Variants in SLC22A13 observed in about 807,000 individuals in gnomAD.
SLC22A13 encodes organic anion transporter 10.
In SLC22A13, 42 loss-of-function variants were observed where a neutral mutation model predicts 49.1. The observed-to-expected ratio is 0.85, with a 90% CI of 0.67 to 1.11. The LOEUF (loss-of-function observed/expected upper bound fraction) is 1.11. SLC22A13 is among the 50% of genes least tolerant of loss of function. SLC22A13 has a pLI of 0.00. For missense variants in SLC22A13, 694 were observed against 712.8 expected (o/e 0.97, Z 0.30); for synonymous variants, 282 against 293.1 (o/e 0.96, Z 0.39).
Position 38,275,924 on chromosome 3 carries a change from G to C in SLC22A13, c.1065G>C (p.Val355=). 1.2e-6 allele frequency: 2 copies of C among 1,614,218 alleles called. No individual in the cohort carries two copies. The highest frequency in any genetic ancestry group is 1.7e-6 in the Non-Finnish European group (2 of 1,180,034). The part of the protein sequence containing the change: ...SLGYYGLSLQ[V]GDFGLDVYLT... Reference sequence around the variant, plus strand: ...GGTACTACGGCCTGAGCCTCCAAGTGGGGGACTTCGGCCTGGACGTCTATC... The same window carrying C: ...GGTACTACGGCCTGAGCCTCCAAGTCGGGGACTTCGGCCTGGACGTCTATC... The change falls in exon 7 of 10, where the codon GTG becomes GTC. Residue 355 remains valine (V), a synonymous_variant. Transcript: ENST00000311856.
chr3:38,270,683 G>C (rs1355652017), intron 1 of SLC22A13: 2 of 164,352 alleles, frequency 1.2e-5, no homozygotes, highest in Admixed American at 6.0e-5. Context: ...TACATTTTCA[G>C]ATGTAAATTT....
chr3:38,275,460 G>T lies in SLC22A13; in HGVS notation c.897G>T (p.Arg299Ser). Residue 299 changes from arginine (R) to serine (S), a missense_variant, in exon 5 of 10, where the codon AGG becomes AGT. Arg to Ser is a moderately radical substitution (Grantham distance 110). Coordinates refer to ENST00000311856, the MANE Select transcript of SLC22A13 (RefSeq NM_004256.4). Reference sequence around the variant, plus strand: ...TCCAGAAGGCGGCCTCGGTCAATAGGCGGAAACTCTCCCCGGAGCTCATGA... The same window carrying T: ...TCCAGAAGGCGGCCTCGGTCAATAGTCGGAAACTCTCCCCGGAGCTCATGA... ...QLIQKAASVN[R>S]RKLSPELMNQ... The T allele has an allele frequency of 6.2e-7, 1 of 1,614,208 alleles. No individual in the cohort carries two copies. The highest frequency in any genetic ancestry group is 8.5e-7 in the Non-Finnish European group (1 of 1,180,040).
intron 2 of SLC22A13, 40 bp from the exon 3 acceptor site, chr3:38,274,564 C>T (rs577846083): frequency 4.1e-5 from 66 of 1,600,270 alleles, no homozygotes; most frequent in Middle Eastern, 3.4e-4. Context: ...AGATGCCTTC[C>T]GGGAGGGACC....
In SLC22A13 at chr3:38,276,053, C is replaced by T. The variant is rs1479896840; in HGVS notation, c.1194C>T (p.Val398=). 6.2e-7 allele frequency: 1 copy of T among 1,614,076 alleles called. No individual in the cohort carries two copies. The highest frequency in any genetic ancestry group is 1.3e-5 in the African/African-American group (1 of 75,062). The change falls in exon 7 of 10, where the codon GTC becomes GTT. Residue 398 remains valine (V), a synonymous_variant. Coordinates refer to ENST00000311856, the MANE Select transcript of SLC22A13 (RefSeq NM_004256.4). ...GRKWSQLGTL[V]LGGLMCIIII... is the part of the protein sequence containing the mutation. The stretch of plus-strand genomic sequence containing the variant: ...AGTGGAGCCAGTTGGGGACCTTGGT[C>T]TTGGGTGGCCTGATGTGTATCATCA...
At position 38,276,413 on chromosome 3, in the gene SLC22A13, A is replaced by G; in HGVS notation, c.1346+18A>G. 1 of 1,519,782 alleles carries G rather than the reference A, an allele frequency of 6.6e-7. No individual in the cohort carries two copies. 94.1% of individuals were successfully genotyped at this position (1,519,782 alleles called of 1,614,324 possible). ...ATCCTCCGGTAAGAGCTGCAGTGTGACTCCTGCTCCTCTGCTACTGAGATG... is the reference window on the plus strand; with the variant it reads ...ATCCTCCGGTAAGAGCTGCAGTGTGGCTCCTGCTCCTCTGCTACTGAGATG... On this transcript the variant is annotated intron_variant, in intron 8 of 9. Transcript: ENST00000311856.
Position 38,274,644 on chromosome 3 carries a change from T to C in SLC22A13, c.523T>C (p.Phe175Leu). 1 of 1,614,160 alleles carries C rather than the reference T, an allele frequency of 6.2e-7. No homozygotes were observed. The highest frequency in any genetic ancestry group is 8.5e-7 in the Non-Finnish European group (1 of 1,180,036). The change falls in exon 3 of 10, where the codon TTC becomes CTC. Residue 175 changes from phenylalanine (F) to leucine (L), a missense_variant. Physicochemically the swap from Phe to Leu is conservative, Grantham distance 22. Coordinates refer to ENST00000311856, the MANE Select transcript of SLC22A13 (RefSeq NM_004256.4). ...CACAATCCTGGCGCAGCTGCTCCTC[T>C]TCACCCTCATCGGCCTGGCCACAGC... The part of the protein sequence containing the change: ...KATILAQLLL[F>L]TLIGLATAFV...
At chr3:38,272,749 G>C (rs1354500011) in intron 1 of SLC22A13, among the ~76,000 whole-genome samples, 3 of 152,212 alleles carry the variant, frequency 2.0e-5, no homozygotes, top group African/African-American at 7.2e-5. Context: ...GAGCACAATG[G>C]TAACTCCTGG....
chr3:38,276,017 G>C lies in SLC22A13; in HGVS notation c.1158G>C (p.Arg386Ser), dbSNP rs1275985794. The change falls in exon 7 of 10, where the codon AGG becomes AGC. Residue 386 changes from arginine (R) to serine (S), a missense_variant. Coordinates refer to ENST00000311856, the MANE Select transcript of SLC22A13 (RefSeq NM_004256.4). ...GTTCCAGCATCTTCATGATGCAGAGGTTTGGCCGCAAGTGGAGCCAGTTGG... is the reference window on the plus strand; with the variant it reads ...GTTCCAGCATCTTCATGATGCAGAGCTTTGGCCGCAAGTGGAGCCAGTTGG... ...ARCSSIFMMQ[R>S]FGRKWSQLGT... 1.2e-6 allele frequency: 2 copies of C among 1,613,746 alleles called. No individual in the cohort carries two copies. The highest frequency in any genetic ancestry group is 2.2e-5 in the South Asian group (2 of 91,074).
chr3:38,276,865 C>T, intron 8 of SLC22A13, 47 bp from the exon 9 acceptor site: 1 of 1,547,038 alleles, frequency 6.5e-7, no homozygotes, highest in Non-Finnish European at 8.9e-7. Context: ...AAGCTGAGGC[C>T]CAGAGTTGGG....
intron 1 of SLC22A13, among the ~76,000 whole-genome samples, chr3:38,266,543 C>T (rs1306007619): frequency 6.6e-6 from 1 of 152,132 alleles, no homozygotes; most frequent in Non-Finnish European, 1.5e-5. Context: ...CTCCTCTTTT[C>T]CTATCTTTGT....
At chr3:38,269,141 C>G (rs1377120812) in intron 1 of SLC22A13, among the ~76,000 whole-genome samples, 2 of 152,072 alleles carry the variant, frequency 1.3e-5, no homozygotes, top group Non-Finnish European at 2.9e-5. Flanking sequence ...TGACAATAAA[C>G]AATGATTCAA....
intron 1 of SLC22A13, chr3:38,270,449 A>T (rs1313874173): frequency 4.6e-6 from 1 of 217,140 alleles, no homozygotes; most frequent in Non-Finnish European, 9.9e-6. Context: ...GCAAGAAAGG[A>T]ATCTTTGGAT....
chr3:38,270,361 AG>A lies in SLC22A13; in HGVS notation c.379-3909del, dbSNP rs1419712927. ...CAGTCCGAGGCCAGTCTGGAGTGATAGGCTTCTGTTTTTTGTTCTTGGCAAG... is the reference window on the plus strand; with the variant it reads ...CAGTCCGAGGCCAGTCTGGAGTGATAGCTTCTGTTTTTTGTTCTTGGCAAG... On this transcript the variant is annotated intron_variant, in intron 1 of 9. Transcript: ENST00000311856. The A allele has an allele frequency of 1.4e-5, 3 of 214,158 alleles. No individual in the cohort carries two copies. In the East Asian group the frequency reaches 3.3e-4, roughly 24 times the overall value. 13.3% of individuals were successfully genotyped at this position (214,158 alleles called of 1,614,324 possible). A position where few individuals can be genotyped will look rare whatever the true frequency, so the allele number is the denominator to read the frequency against.
In SLC22A13 at chr3:38,277,367, T is replaced by A; in HGVS notation, c.1563-5T>A. ...CAGCCAATGACAGCCTTCTGCTCCC[T>A]CTAGGTCCCCCAAATCAGTGCCCTC... On this transcript the variant is annotated splice_region_variant and splice_polypyrimidine_tract_variant and intron_variant, in intron 9 of 9. Transcript: ENST00000311856. The A allele has an allele frequency of 6.2e-7, 1 of 1,611,754 alleles. No homozygotes were observed. Among genetic ancestry groups the A allele is most frequent in the Non-Finnish European group, 8.5e-7 (1 of 1,178,102 alleles).
chr3:38,271,305 C>T (rs927105549), intron 1 of SLC22A13, among the ~76,000 whole-genome samples: 2 of 152,068 alleles, frequency 1.3e-5, no homozygotes, highest in African/African-American at 2.4e-5. Context: ...TGGCTCGTGC[C>T]TGTAATCCCA....
chr3:38,266,365 T>C, intron 1 of SLC22A13, 127 bp downstream of exon 1: 1 of 1,102,504 alleles, frequency 9.1e-7, no homozygotes, highest in South Asian at 1.5e-5. Flanking sequence ...TGGGCACATA[T>C]GTTTTTCATT....
intron 1 of SLC22A13, among the ~76,000 whole-genome samples, chr3:38,267,201 A>G (rs757518879): frequency 2.0e-5 from 3 of 152,188 alleles, no homozygotes; most frequent in Non-Finnish European, 4.4e-5. Context: ...TCAGAGACCA[A>G]TGTGTTAACC....
chr3:38,272,255 C>T (rs1217108112), intron 1 of SLC22A13, among the ~76,000 whole-genome samples: 1 of 152,252 alleles, frequency 6.6e-6, no homozygotes, highest in Non-Finnish European at 1.5e-5. Flanking sequence ...CACTTCACCC[C>T]CTTGTGTCTG....
intron 1 of SLC22A13, among the ~76,000 whole-genome samples, chr3:38,273,998 CAT>C (rs749616648): frequency 3.3e-4 from 50 of 152,336 alleles, no homozygotes; most frequent in Middle Eastern, 6.8e-3. Context: ...GATATGATGT[CAT>C]TGGAAGGAAA....
Sources: gnomAD v4.1 joint callset for allele counts (sites outside exome capture counted in the v4.1 genomes callset) on GRCh38, gnomAD v4.1.1 for gene constraint, MANE v1.5 for transcripts, NCBI Gene and HGNC (gene_info 2026-07-23, HGNC 2026-07-21) for gene names.